The following SHISAL1 variants were observed in gnomAD, a reference collection of about 807,000 sequenced individuals.
SHISAL1 encodes the protein protein shisa-like-1.
SHISAL1 carries 9 observed loss-of-function variants against 22.6 expected under a neutral mutation model. The observed-to-expected ratio is 0.40, with a 90% CI of 0.24 to 0.70. The LOEUF (loss-of-function observed/expected upper bound fraction) is 0.70. Ranked by LOEUF, SHISAL1 falls within the 30% of genes least tolerant of loss-of-function variation. The pLI is 0.39. For synonymous variants in SHISAL1, 119 were observed against 115.4 expected (o/e 1.03, Z -0.20); for missense variants, 246 against 270.6 (o/e 0.91, Z 0.64).
chr22:44,263,880 G>C (rs1015837878), intron 4 of SHISAL1, among the ~76,000 whole-genome samples: 1 of 152,214 alleles, frequency 6.6e-6, no homozygotes, highest in South Asian at 2.1e-4. Flanking sequence ...CTAAATCCGT[G>C]TTGCTTTAAG....
intron 3 of SHISAL1, among the ~76,000 whole-genome samples, chr22:44,286,340 C>A (rs1019237514): frequency 1.3e-5 from 2 of 152,182 alleles, no homozygotes; most frequent in Admixed American, 6.5e-5. Context: ...GCTGTCCGGG[C>A]CCCATGACCT....
chr22:44,287,898 G>A (rs1013893745), intron 3 of SHISAL1, among the ~76,000 whole-genome samples: 2 of 152,132 alleles, frequency 1.3e-5, no homozygotes, highest in East Asian at 3.9e-4. Flanking sequence ...GTTTTTCTTC[G>A]GTGGTTCCCA....
upstream of SHISAL1, among the ~76,000 whole-genome samples, chr22:44,315,876 C>A (rs1461298187): frequency 2.6e-5 from 4 of 152,074 alleles, no homozygotes; most frequent in African/African-American, 4.8e-5. Context: ...CAGCAGTTCC[C>A]CGGCCTCAGG....
Position 44,245,702 on chromosome 22 carries a change from C to T in SHISAL1, c.*3983G>A, listed in dbSNP as rs1008714623. On this transcript the variant is annotated 3_prime_UTR_variant, in exon 5 of 5. Transcript: ENST00000381176. ...GTGCCAAGCACAGCCACACCCACAG[C>T]CCTGGTCTGTTTGCCATGACCTGAA... 1 of 152,240 alleles carries T rather than the reference C, an allele frequency of 6.6e-6. No individual in the cohort carries two copies. The highest frequency in any genetic ancestry group is 6.5e-5 in the Admixed American group (1 of 15,272). The allele number at this position is 152,240 out of a possible 1,614,324, so 9.4% of individuals were successfully genotyped here.
chr22:44,307,454 G>A (rs893594456), intron 1 of SHISAL1, among the ~76,000 whole-genome samples: 1 of 152,114 alleles, frequency 6.6e-6, no homozygotes, highest in African/African-American at 2.4e-5. Context: ...AGCTTCTGAG[G>A]CCTCCTGAGG....
chr22:44,330,041 C>A, the SHISAL1 span, among the ~76,000 whole-genome samples: 1 of 152,212 alleles, frequency 6.6e-6, no homozygotes, highest in Non-Finnish European at 1.5e-5. Flanking sequence ...GCACAGCCAG[C>A]CAGCAGCGAG....
At chr22:44,329,972 G>A in the SHISAL1 span, among the ~76,000 whole-genome samples, 6 of 152,342 alleles carry the variant, frequency 3.9e-5, no homozygotes, top group African/African-American at 1.4e-4. Context: ...AAGGGTGATG[G>A]AGGGAGGGAC....
At position 44,310,618 on chromosome 22, in the gene SHISAL1, T is replaced by C. The variant is rs1353700395; in HGVS notation, c.-33+2133A>G. Among the ~76,000 whole-genome samples the C allele has an allele frequency of 6.6e-6, 1 of 152,218 alleles. No homozygotes were observed. Among genetic ancestry groups the C allele is most frequent in the African/African-American group, 2.4e-5 (1 of 41,460 alleles). On this transcript the variant is annotated intron_variant, in intron 1 of 4. Transcript: ENST00000381176. The surrounding 1 kb of genome is among the most constrained non-coding windows in gnomAD (Gnocchi z 4.0). ...GCAGGGCACCCAGAACATTAGCAGC[T>C]GATCCATAAACCGTTCTTATCCGAT...
chr22:44,330,997 G>A, the SHISAL1 span, among the ~76,000 whole-genome samples: 6 of 152,042 alleles, frequency 3.9e-5, no homozygotes, highest in Admixed American at 1.3e-4. Flanking sequence ...CTCAGTCCCC[G>A]TGCAGCCCGC....
intron 4 of SHISAL1, among the ~76,000 whole-genome samples, chr22:44,262,923 A>G (rs550588759): frequency 6.6e-6 from 1 of 152,288 alleles, no homozygotes; most frequent in Admixed American, 6.5e-5. Flanking sequence ...CGCAGACGAA[A>G]GCAGAGGAGT....
At chr22:44,276,308 C>T (rs1036224405) in intron 4 of SHISAL1, among the ~76,000 whole-genome samples, 1 of 152,052 alleles carries the variant, frequency 6.6e-6, no homozygotes, top group Non-Finnish European at 1.5e-5. Flanking sequence ...GGTGTGGCTG[C>T]AGCAAGCGGC....
chr22:44,276,689 C>T (rs1335446247), intron 4 of SHISAL1, among the ~76,000 whole-genome samples: 8 of 152,114 alleles, frequency 5.3e-5, no homozygotes, highest in Admixed American at 6.5e-5. Flanking sequence ...CGGTCCCCCA[C>T]GTCTATGGGA....
chr22:44,288,688 T>A (rs2147293239), intron 3 of SHISAL1, among the ~76,000 whole-genome samples: 1 of 151,624 alleles, frequency 6.6e-6, no homozygotes, highest in South Asian at 2.1e-4. Flanking sequence ...CAGCCCAACA[T>A]CTCTCTTGCC....
chr22:44,285,671 T>C lies in SHISAL1; in HGVS notation c.356A>G (p.Tyr119Cys). The change falls in exon 4 of 5, where the codon TAT becomes TGT. Residue 119 changes from tyrosine to cysteine, a missense_variant. Tyr to Cys is a radical substitution (Grantham distance 194, BLOSUM62 -2). Around this residue, in one of 2 missense-constraint regions of SHISAL1, gnomAD observed 136 missense variants for 117.5 expected, o/e 1.16. Transcript: ENST00000381176. ...GATGTCGTAGTTCATTGCCGAGTAA[T>C]ACAAAAGGTCCAGAACCAGCAGCAT... ...VLMLLVLDLL[Y>C]YSAMNYDICK... The C allele has an allele frequency of 6.2e-7, 1 of 1,614,098 alleles. No homozygotes were observed. The highest frequency in any genetic ancestry group is 2.2e-5 in the East Asian group (1 of 44,866).
chr22:44,301,304 G>A (rs535292774), intron 1 of SHISAL1, among the ~76,000 whole-genome samples: 1 of 152,200 alleles, frequency 6.6e-6, no homozygotes, highest in Admixed American at 6.5e-5. Context: ...GAGGATGCCC[G>A]GGCTGGCCCG....
At chr22:44,288,703 G>GATGTT (rs147869040) in intron 3 of SHISAL1, among the ~76,000 whole-genome samples, 4,951 of 152,288 alleles carry the variant, frequency 0.033, 295 homozygotes, top group East Asian at 0.2. Flanking sequence ...CTTGCCTGGA[G>GATGTT]GCCTTTGTCC....
At chr22:44,280,680 G>A (rs574792664) in intron 4 of SHISAL1, among the ~76,000 whole-genome samples, 1 of 152,092 alleles carries the variant, frequency 6.6e-6, no homozygotes, top group African/African-American at 2.4e-5. Flanking sequence ...GTGGATGCAT[G>A]GGGGAGGGAG....
chr22:44,285,249 TC>T (rs2055304723), intron 4 of SHISAL1, among the ~76,000 whole-genome samples, 178 bp downstream of exon 4: 2 of 152,218 alleles, frequency 1.3e-5, no homozygotes, highest in South Asian at 4.1e-4. Context: ...GACTTTCCTG[TC>T]TAGGCATGTG....
chr22:44,284,747 A>C (rs912292148), intron 4 of SHISAL1, among the ~76,000 whole-genome samples: 1 of 152,110 alleles, frequency 6.6e-6, no homozygotes, highest in African/African-American at 2.4e-5. Context: ...TGCACTACCC[A>C]GGGCCGCCTG....
Sources: allele counts gnomAD v4.1 joint callset (sites outside exome capture counted in the v4.1 genomes callset), GRCh38; gene constraint gnomAD v4.1.1; regional missense constraint gnomAD v4.1.1; non-coding constraint Gnocchi (gnomAD v3.1); transcripts MANE v1.5; gene names NCBI Gene and HGNC (gene_info 2026-07-23, HGNC 2026-07-21).